Variants in MAML3 observed in about 807,000 individuals in gnomAD.
The protein encoded by MAML3 is mastermind like transcriptional coactivator 3, also known as mastermind-like protein 3.
Under a neutral mutation model 101.9 loss-of-function variants are expected in MAML3, and 27 were observed. That is an observed-to-expected ratio of 0.27 (90% CI 0.20 to 0.37). The LOEUF is 0.37. Ranked by LOEUF, MAML3 falls within the 10% of genes least tolerant of loss-of-function variation. The probability of loss-of-function intolerance (pLI) is 1.00; values close to 1 mark genes in which losing one functional copy is unlikely to be tolerated. For synonymous variants in MAML3, 501 were observed against 555.9 expected, an observed-to-expected ratio of 0.90 and a Z score of 1.39; for missense variants, 1,316 against 1,444.9, an observed-to-expected ratio of 0.91 and a Z score of 1.45.
intron 2 of MAML3, among the ~76,000 whole-genome samples, chr4:139,813,089 A>T (rs915082785): frequency 1.3e-5 from 2 of 151,844 alleles, no homozygotes; most frequent in African/African-American, 4.8e-5. Flanking sequence ...TAGGAATAAT[A>T]TTAAAGGGTG....
intron 2 of MAML3, among the ~76,000 whole-genome samples, chr4:139,829,652 A>T (rs1027996537): frequency 6.6e-6 from 1 of 152,246 alleles, no homozygotes; most frequent in African/African-American, 2.4e-5. Flanking sequence ...TTACCAGTTC[A>T]GGAAAGTATT....
chr4:139,849,443 G>A (rs1014668679), intron 2 of MAML3, among the ~76,000 whole-genome samples: 5 of 152,266 alleles, frequency 3.3e-5, no homozygotes, highest in Admixed American at 2.6e-4. Context: ...CAAGAAACAC[G>A]GGGCAGAGAC....
rs1733741161 is a variant in MAML3, at chr4:139,946,917, ACACACACACTCTCTCTCTCTCT to A, written c.469-55972_469-55951del. On this transcript the variant is annotated intron_variant, in intron 1 of 4. Transcript: ENST00000509479. ...CACACACACACACACACACACACAC[ACACACACACTCTCTCTCTCTCT>A]CTCTCTCTCTCTCTTTAGAAAAGCA... Among the ~76,000 whole-genome samples the A allele has an allele frequency of 3.5e-5, 5 of 141,272 alleles. No homozygotes were observed. The South Asian group carries it at 1.1e-3, about 32-fold the overall frequency. 92.7% of individuals were successfully genotyped at this position (141,272 alleles called of 152,430 possible).
intron 1 of MAML3, among the ~76,000 whole-genome samples, chr4:140,108,318 C>G (rs1728385876): frequency 1.3e-5 from 2 of 151,888 alleles, no homozygotes; most frequent in Non-Finnish European, 2.9e-5. Context: ...GCTTCGTGCT[C>G]CCCAGTACAT....
intron 1 of MAML3, among the ~76,000 whole-genome samples, chr4:139,925,286 G>A (rs1350021480): frequency 6.6e-6 from 1 of 152,178 alleles, no homozygotes; most frequent in African/African-American, 2.4e-5. Flanking sequence ...CTTGAGTGCA[G>A]TGGTGCAATC....
intron 1 of MAML3, among the ~76,000 whole-genome samples, chr4:139,891,283 C>CT (rs1306581470): frequency 1.3e-5 from 2 of 152,220 alleles, no homozygotes; most frequent in East Asian, 1.9e-4. Flanking sequence ...TATTTTCTTT[C>CT]TTTTTTTGTT....
At chr4:140,058,524 T>C (rs1390878099) in intron 1 of MAML3, among the ~76,000 whole-genome samples, 1 of 150,106 alleles carries the variant, frequency 6.7e-6, no homozygotes, top group African/African-American at 2.4e-5. Context: ...AACAATCACA[T>C]ATATTATATA....
chr4:139,890,120 A>T lies in MAML3; in HGVS notation c.1316T>A (p.Leu439His). The change falls in exon 2 of 5, where the codon CTC becomes CAC. Residue 439 changes from leucine to histidine, a missense_variant. By Grantham distance (99) the Leu-to-His change is moderately conservative (BLOSUM62 -3). Coordinates refer to ENST00000509479, the MANE Select transcript of MAML3 (RefSeq NM_018717.5). This position sits in a 1 kb window ranked among gnomAD's most constrained non-coding sequence, Gnocchi z 4.1. The stretch of plus-strand genomic sequence containing the variant: ...CACTGTCACTGCTGCCGGATTCAGG[A>T]GATAACCATTTCCAGGCCGAGGTGG... The part of the protein sequence containing the change: ...QAPPRPGNGY[L>H]LNPAAVTVAG... 1 of 1,613,886 alleles carries T rather than the reference A, an allele frequency of 6.2e-7. No homozygotes were observed. Among genetic ancestry groups the T allele is most frequent in the Non-Finnish European group, 8.5e-7 (1 of 1,179,890 alleles).
chr4:140,073,572 A>C (rs1449045535), intron 1 of MAML3, among the ~76,000 whole-genome samples: 2 of 152,138 alleles, frequency 1.3e-5, no homozygotes, highest in Non-Finnish European at 2.9e-5. Flanking sequence ...GTATTGTGCC[A>C]GGCACCCACA....
chr4:140,053,011 C>T (rs1025589065), intron 1 of MAML3, among the ~76,000 whole-genome samples: 1 of 152,142 alleles, frequency 6.6e-6, no homozygotes, highest in African/African-American at 2.4e-5. Context: ...ATCACCCTAA[C>T]AGACAGCACT....
intron 1 of MAML3, among the ~76,000 whole-genome samples, chr4:139,911,901 T>A (rs952183687): frequency 3.9e-4 from 59 of 152,254 alleles, no homozygotes; most frequent in Non-Finnish European, 2.6e-4. Context: ...TATTTGGTAT[T>A]CTGTTACAGC....
intron 2 of MAML3, among the ~76,000 whole-genome samples, chr4:139,869,744 T>C (rs1731966187): frequency 6.6e-6 from 1 of 152,050 alleles, no homozygotes. Context: ...GGAAGAAATA[T>C]AGAAAAGAAT....
intron 3 of MAML3, among the ~76,000 whole-genome samples, chr4:139,729,156 C>CAAAAAA (rs4057275): frequency 3.5e-4 from 29 of 81,694 alleles, no homozygotes; most frequent in Non-Finnish European, 4.6e-4. Flanking sequence ...GGAACAAAAG[C>CAAAAAA]AAAAAAAAAA....
At chr4:139,889,162 C>A in intron 2 of MAML3, 195 bp downstream of exon 2, 1 of 1,049,764 alleles carries the variant, frequency 9.5e-7, no homozygotes, top group Non-Finnish European at 1.5e-6. Flanking sequence ...GAAAGTTTAT[C>A]ATGCCACCCT....
At chr4:139,982,473 G>A (rs185869699) in intron 1 of MAML3, among the ~76,000 whole-genome samples, 4 of 152,184 alleles carry the variant, frequency 2.6e-5, no homozygotes, top group East Asian at 3.9e-4. Context: ...CAAGGTCTGG[G>A]TCCCACATGT....
intron 1 of MAML3, among the ~76,000 whole-genome samples, chr4:140,043,923 G>A (rs574920524): frequency 5.4e-4 from 83 of 152,320 alleles, no homozygotes; most frequent in African/African-American, 1.9e-3. Context: ...GGAAAAGTAA[G>A]CAGCGTCTTT....
rs1728108079 is a variant in MAML3, at chr4:139,718,953, T to C, written c.*370A>G. 5.1e-6 allele frequency: 1 copy of C among 196,386 alleles called. No individual in the cohort carries two copies. Among genetic ancestry groups the C allele is most frequent in the African/African-American group, 2.3e-5 (1 of 42,810 alleles). The allele number at this position is 196,386 out of a possible 1,614,324, so 12.2% of individuals were successfully genotyped here. On this transcript the variant is annotated 3_prime_UTR_variant, in exon 5 of 5. Transcript: ENST00000509479. Reference sequence around the variant, plus strand: ...TCTCCCGACCTGGGGCAGGAGGGGCTGAGGATACCTCTCTTGGGTAATAGT... The same window carrying C: ...TCTCCCGACCTGGGGCAGGAGGGGCCGAGGATACCTCTCTTGGGTAATAGT...
intron 2 of MAML3, among the ~76,000 whole-genome samples, chr4:139,880,356 G>GCACT (rs1175607741): frequency 6.6e-6 from 1 of 152,022 alleles, no homozygotes; most frequent in African/African-American, 2.4e-5. Context: ...ATCAGCAGGG[G>GCACT]CACTGCACTT....
chr4:139,970,540 G>C (rs150746257), intron 1 of MAML3, among the ~76,000 whole-genome samples: 33 of 152,334 alleles, frequency 2.2e-4, no homozygotes, highest in African/African-American at 7.9e-4. Context: ...CAAGAGATTA[G>C]TAAGCAGAAG....
Sources: allele counts gnomAD v4.1 joint callset (sites outside exome capture counted in the v4.1 genomes callset), GRCh38; gene constraint gnomAD v4.1.1; non-coding constraint Gnocchi (gnomAD v3.1); transcripts MANE v1.5; gene names NCBI Gene and HGNC (gene_info 2026-07-23, HGNC 2026-07-21).